TEAD1: variants seen among roughly 807,000 people sequenced by gnomAD.
TEAD1 encodes transcriptional enhancer factor TEF-1.
TEAD1 carries 9 observed loss-of-function variants against 54.9 expected under a neutral mutation model. The ratio of observed to expected loss-of-function variants is 0.16; its 90% CI spans 0.10 to 0.29. TEAD1 has a LOEUF of 0.29. Ranked by LOEUF, TEAD1 falls within the 10% of genes least tolerant of loss-of-function variation. The pLI is 1.00. For synonymous variants in TEAD1, 200 were observed against 187.8 expected (o/e 1.07, Z -0.53); for missense variants, 387 against 535.9 (o/e 0.72, Z 2.74).
chr11:12,762,475 C>T (rs1945121513), intron 2 of TEAD1, among the ~76,000 whole-genome samples: 3 of 152,122 alleles, frequency 2.0e-5, no homozygotes, highest in Admixed American at 6.6e-5. Context: ...TTTCTTGTGG[C>T]GTAATTTATA....
intron 3 of TEAD1, among the ~76,000 whole-genome samples, chr11:12,802,171 C>T (rs968214845): frequency 6.6e-6 from 1 of 152,184 alleles, no homozygotes; most frequent in Non-Finnish European, 1.5e-5. Flanking sequence ...AGCCTCAGGG[C>T]ACCTACTTAG....
intron 2 of TEAD1, among the ~76,000 whole-genome samples, chr11:12,728,737 T>G (rs1398327624): frequency 6.6e-6 from 1 of 152,260 alleles, no homozygotes; most frequent in East Asian, 1.9e-4. Flanking sequence ...TTTAAAAATG[T>G]AAACCTCTCT....
chr11:12,864,616 T>TGG, intron 4 of TEAD1: 1 of 1,251,492 alleles, frequency 8.0e-7, no homozygotes. Flanking sequence ...TTTGATTTCC[T>TGG]TTTTTGTTTT....
At chr11:12,907,541 A>T (rs1379565204) in intron 10 of TEAD1, among the ~76,000 whole-genome samples, 2 of 152,020 alleles carry the variant, frequency 1.3e-5, no homozygotes, top group Non-Finnish European at 2.9e-5. Context: ...ATGTGTTTTA[A>T]TTCTACAGCG....
chr11:12,752,471 C>T (rs1036862818), intron 2 of TEAD1, among the ~76,000 whole-genome samples: 6 of 152,102 alleles, frequency 3.9e-5, no homozygotes, highest in African/African-American at 1.2e-4. Context: ...CTTCTAATAA[C>T]GTAGATGAAT....
chr11:12,728,449 T>C (rs1289921811), intron 2 of TEAD1, among the ~76,000 whole-genome samples: 3 of 152,182 alleles, frequency 2.0e-5, no homozygotes, highest in East Asian at 1.9e-4. Flanking sequence ...CCCGGTTAGT[T>C]GGAAGGCTCT....
rs180670888 is a variant in TEAD1 at position 12,850,033 on chromosome 11, A to G, written c.203-12217A>G. Among the ~76,000 whole-genome samples the G allele has an allele frequency of 5.1e-4, 78 of 152,364 alleles. No homozygotes were observed. The East Asian group carries it at 0.012, about 24-fold the overall frequency. On this transcript the variant is annotated intron_variant, in intron 3 of 12. Transcript: ENST00000527636. ...GCATCATGGGTTTATACCAGATGCC[A>G]TGTAGTACGGTGTCCTGAACAGAAA...
At chr11:12,674,914 G>C (rs2133801188) in intron 1 of TEAD1, 80 bp downstream of exon 1, 1 of 150,406 alleles carries the variant, frequency 6.6e-6, no homozygotes, top group East Asian at 2.0e-4. Flanking sequence ...TCCCTCGCGG[G>C]CCGCTCTTTC....
At chr11:12,818,987 A>G (rs1946473637) in intron 3 of TEAD1, among the ~76,000 whole-genome samples, 1 of 152,200 alleles carries the variant, frequency 6.6e-6, no homozygotes, top group Non-Finnish European at 1.5e-5. Context: ...GGACTCATAT[A>G]TTCAATTCCT....
At chr11:12,854,357 A>G (rs988290703) in intron 3 of TEAD1, among the ~76,000 whole-genome samples, 2 of 152,056 alleles carry the variant, frequency 1.3e-5, no homozygotes, top group Non-Finnish European at 2.9e-5. Flanking sequence ...GATGAGCAAA[A>G]CCCAGTTTAT....
chr11:12,709,963 T>G (rs917653623), intron 2 of TEAD1, among the ~76,000 whole-genome samples: 1 of 152,130 alleles, frequency 6.6e-6, no homozygotes, highest in African/African-American at 2.4e-5. Context: ...TACAACATCT[T>G]TTTCTTATTT....
At chr11:12,802,955 C>T (rs978283921) in intron 3 of TEAD1, among the ~76,000 whole-genome samples, 1 of 152,064 alleles carries the variant, frequency 6.6e-6, no homozygotes. Context: ...TTTGAGTTGG[C>T]GGCATGCCTG....
intron 2 of TEAD1, among the ~76,000 whole-genome samples, chr11:12,683,184 T>C (rs545516500): frequency 6.6e-6 from 1 of 152,360 alleles, no homozygotes; most frequent in South Asian, 2.1e-4. Flanking sequence ...GTAAAAAGTT[T>C]CAATATGTAT....
At chr11:12,923,862 G>A (rs961359105) in intron 10 of TEAD1, among the ~76,000 whole-genome samples, 1 of 152,096 alleles carries the variant, frequency 6.6e-6, no homozygotes, top group Admixed American at 6.5e-5. Context: ...GTTGCACTGG[G>A]GTTTAAGCTT....
intron 3 of TEAD1, among the ~76,000 whole-genome samples, chr11:12,782,524 G>A (rs1194632207): frequency 1.3e-5 from 2 of 152,114 alleles, no homozygotes; most frequent in Non-Finnish European, 2.9e-5. Context: ...TTCTTTCTGG[G>A]GTGATTAAGA....
At position 12,937,466 on chromosome 11, in the gene TEAD1, CTA is replaced by C; in HGVS notation, c.*246_*247del. 5.4e-6 allele frequency: 2 copies of C among 371,256 alleles called. No homozygotes were observed. The highest frequency in any genetic ancestry group is 5.0e-6 in the Non-Finnish European group (1 of 198,802). The allele number at this position is 371,256 out of a possible 1,614,324, so 23.0% of individuals were successfully genotyped here. A position where few individuals can be genotyped will look rare whatever the true frequency, so the allele number is the denominator to read the frequency against. ...TAAAAAGAGAAATTGAGTTGTTTCT[CTA>C]TGTTCTTCAGATGTGCAGCCCACAA... On this transcript the variant is annotated 3_prime_UTR_variant, in exon 13 of 13. Coordinates refer to ENST00000527636, the MANE Select transcript of TEAD1 (RefSeq NM_021961.6).
chr11:12,877,479 C>A (rs944636738), intron 5 of TEAD1, among the ~76,000 whole-genome samples: 4 of 152,070 alleles, frequency 2.6e-5, no homozygotes, highest in African/African-American at 7.2e-5. Context: ...ATGGTGAAAC[C>A]CCATCTCTAC....
At chr11:12,832,218 G>A (rs950970773) in intron 3 of TEAD1, among the ~76,000 whole-genome samples, 37 of 152,134 alleles carry the variant, frequency 2.4e-4, no homozygotes, top group African/African-American at 8.5e-4. Context: ...TAATTTGGGG[G>A]CCTATGAAGG....
intron 3 of TEAD1, among the ~76,000 whole-genome samples, chr11:12,783,721 G>A (rs753298253): frequency 5.9e-5 from 9 of 152,104 alleles, no homozygotes; most frequent in Non-Finnish European, 1.3e-4. Context: ...TGGACAAAGT[G>A]GAAGAGAGAG....
Sources: gnomAD v4.1 joint callset for allele counts (sites outside exome capture counted in the v4.1 genomes callset) on GRCh38, gnomAD v4.1.1 for gene constraint, MANE v1.5 for transcripts, NCBI Gene and HGNC (gene_info 2026-07-23, HGNC 2026-07-21) for gene names.